The following PRSS55 variants were observed in gnomAD, a reference collection of about 807,000 sequenced individuals.
The protein encoded by PRSS55 is probable serine protease UNQ9391/PRO34284.
In PRSS55, 41 loss-of-function variants were observed where a neutral mutation model predicts 23.6. The ratio of observed to expected loss-of-function variants is 1.74; its 90% CI spans 1.35 to 2.26. The LOEUF (loss-of-function observed/expected upper bound fraction) is 2.26. Ranked by LOEUF, PRSS55 falls within the 30% of genes most tolerant of loss-of-function variation. PRSS55 has a pLI of 0.00. For synonymous variants in PRSS55, 262 were observed against 175.5 expected, an observed-to-expected ratio of 1.49 and a Z score of -3.90; for missense variants, 669 against 439.1, an observed-to-expected ratio of 1.52 and a Z score of -4.68.
chr8:10,549,496 G>A (rs775959222), intron 4 of PRSS55, among the ~76,000 whole-genome samples: 11 of 152,226 alleles, frequency 7.2e-5, no homozygotes, highest in Non-Finnish European at 1.0e-4. Flanking sequence ...CGTACAGCCT[G>A]TGTCCAGCAC....
At chr8:10,531,715 G>A (rs1400053648) in intron 3 of PRSS55, 170 bp downstream of exon 3, 3 of 836,096 alleles carry the variant, frequency 3.6e-6, no homozygotes, top group Non-Finnish European at 5.5e-6. Flanking sequence ...ACCCCAAGGT[G>A]AGACACCAGG....
intron 1 of PRSS55, among the ~76,000 whole-genome samples, chr8:10,526,180 G>A (rs896565411): frequency 1.3e-5 from 2 of 152,194 alleles, no homozygotes; most frequent in African/African-American, 4.8e-5. Context: ...TCTTCTCCAA[G>A]GGGGTGGTCA....
intron 4 of PRSS55, among the ~76,000 whole-genome samples, chr8:10,547,055 G>T (rs1396571429): frequency 6.6e-6 from 1 of 152,166 alleles, no homozygotes; most frequent in Admixed American, 6.5e-5. Context: ...CCAGCAGATG[G>T]CAGTGGGCAG....
At chr8:10,539,535 C>T (rs987329602), downstream of PRSS55, among the ~76,000 whole-genome samples, 3 of 152,236 alleles carry the variant, frequency 2.0e-5, no homozygotes, top group Admixed American at 6.5e-5. Context: ...TATGTCCCCA[C>T]TCAAATCTCA....
At chr8:10,540,513 A>G (rs1457092410), downstream of PRSS55, 1 of 152,176 alleles carries the variant, frequency 6.6e-6, no homozygotes, top group Admixed American at 6.5e-5. Flanking sequence ...GGAGTTCAAG[A>G]CCAGTCTGGC....
At chr8:10,533,191 A>T (rs1812334081) in intron 4 of PRSS55, 143 bp downstream of exon 4, 2 of 894,174 alleles carry the variant, frequency 2.2e-6, no homozygotes. Flanking sequence ...CATGAGAATG[A>T]GTATGTGGAT....
Position 10,533,057 on chromosome 8 carries a change from G to A in PRSS55, c.741+9G>A, listed in dbSNP as rs748172263. On this transcript the variant is annotated intron_variant, in intron 4 of 4. Coordinates refer to ENST00000328655, the MANE Select transcript of PRSS55 (RefSeq NM_198464.4). ...GCTATGATGCCTGCAAGGTAACTAGGGGGTACCCTCCCTCACCTTATAGGT... is the reference window on the plus strand; with the variant it reads ...GCTATGATGCCTGCAAGGTAACTAGAGGGTACCCTCCCTCACCTTATAGGT... 1.9e-5 allele frequency: 30 copies of A among 1,613,956 alleles called. No homozygotes were observed. In the South Asian group the frequency reaches 3.1e-4, roughly 17 times the overall value.
chr8:10,528,457 G>T (rs1290916559), intron 1 of PRSS55, among the ~76,000 whole-genome samples: 2 of 152,238 alleles, frequency 1.3e-5, no homozygotes, highest in African/African-American at 4.8e-5. Context: ...ACACAAGGCA[G>T]ACAGTCAAGT....
intron 4 of PRSS55, among the ~76,000 whole-genome samples, chr8:10,549,047 C>T (rs890979415): frequency 6.6e-6 from 1 of 152,176 alleles, no homozygotes; most frequent in Non-Finnish European, 1.5e-5. Flanking sequence ...ATAGATGCAA[C>T]CAAGGCTAGG....
rs1275952615 is a variant in PRSS55 at position 10,538,713 on chromosome 8, G to C, written c.979G>C (p.Val327Leu). Reference protein sequence around the residue: ...QKPMGSPVSGVPEPGSPRSWL... With the variant: ...QKPMGSPVSGLPEPGSPRSWL... Reference sequence around the variant, plus strand: ...ACCTATGGGCTCCCCAGTCTCGGGAGTCCCAGAGCCAGGCAGCCCCAGATC... The same window carrying C: ...ACCTATGGGCTCCCCAGTCTCGGGACTCCCAGAGCCAGGCAGCCCCAGATC... The change falls in exon 5 of 5, where the codon GTC becomes CTC. Residue 327 changes from valine (V) to leucine (L), a missense_variant. By Grantham distance (32) the Val-to-Leu change is conservative. Coordinates refer to ENST00000328655, the MANE Select transcript of PRSS55 (RefSeq NM_198464.4). 6.2e-7 allele frequency: 1 copy of C among 1,613,864 alleles called. No individual in the cohort carries two copies.
intron 4 of PRSS55, among the ~76,000 whole-genome samples, chr8:10,550,146 C>T (rs1812920372): frequency 6.6e-6 from 1 of 152,186 alleles, no homozygotes; most frequent in South Asian, 2.1e-4. Context: ...TGGTCTTGAA[C>T]TCCTGATTTC....
At chr8:10,538,423 A>T (rs1193354589) in intron 4 of PRSS55, 53 bp from the exon 5 acceptor site, 6 of 1,380,918 alleles carry the variant, frequency 4.3e-6, no homozygotes, top group Non-Finnish European at 6.0e-6. Context: ...GCCCAGCCTC[A>T]GATGGGCAGC....
At position 10,538,548 on chromosome 8, in the gene PRSS55, T is replaced by C. The variant is rs953559494; in HGVS notation, c.814T>C (p.Trp272Arg). The C allele has an allele frequency of 6.2e-7, 1 of 1,613,976 alleles. No homozygotes were observed. The highest frequency in any genetic ancestry group is 8.5e-7 in the Non-Finnish European group (1 of 1,179,990). Residue 272 changes from tryptophan to arginine, a missense_variant, in exon 5 of 5, where the codon TGG becomes CGG. Transcript: ENST00000328655. ...EKWYQVGIIS[W>R]GKSCGEKNTP... Reference sequence around the variant, plus strand: ...GTGGTACCAGGTGGGCATCATAAGCTGGGGAAAGAGCTGTGGAGAGAAGAA... The same window carrying C: ...GTGGTACCAGGTGGGCATCATAAGCCGGGGAAAGAGCTGTGGAGAGAAGAA...
intron 4 of PRSS55, among the ~76,000 whole-genome samples, chr8:10,549,661 C>A (rs1812908723): frequency 6.6e-6 from 1 of 152,208 alleles, no homozygotes; most frequent in African/African-American, 2.4e-5. Flanking sequence ...GGGTACCAGG[C>A]AGGGGCTTCC....
chr8:10,537,779 A>T (rs1585881593), intron 4 of PRSS55, among the ~76,000 whole-genome samples: 1 of 152,200 alleles, frequency 6.6e-6, no homozygotes, highest in Admixed American at 6.5e-5. Flanking sequence ...CTGGGTTCCA[A>T]TCCCAGCCAG....
At chr8:10,531,829 C>T (rs1347063804) in intron 3 of PRSS55, 1 of 428,304 alleles carries the variant, frequency 2.3e-6, no homozygotes, top group African/African-American at 2.0e-5. Flanking sequence ...GGCCCCTCTA[C>T]TCTGTATTCA....
downstream of PRSS55, chr8:10,540,251 C>T (rs1253728391): frequency 6.6e-6 from 1 of 152,334 alleles, no homozygotes; most frequent in East Asian, 1.9e-4. Context: ...GTCTTCCCCT[C>T]ATGTAGACCC....
chr8:10,529,199 C>A (rs541629000), intron 1 of PRSS55, among the ~76,000 whole-genome samples: 1 of 152,216 alleles, frequency 6.6e-6, no homozygotes, highest in Non-Finnish European at 1.5e-5. Flanking sequence ...TGTTTTCTTC[C>A]GATTTCTCCT....
intron 4 of PRSS55, among the ~76,000 whole-genome samples, chr8:10,536,011 C>T (rs1022991030): frequency 3.3e-5 from 5 of 152,214 alleles, no homozygotes; most frequent in African/African-American, 1.2e-4. Context: ...ACGGTGAAAC[C>T]CCGTCTCTAC....
Sources: gnomAD v4.1 joint callset for allele counts (sites outside exome capture counted in the v4.1 genomes callset) on GRCh38, gnomAD v4.1.1 for gene constraint, MANE v1.5 for transcripts, NCBI Gene and HGNC (gene_info 2026-07-23, HGNC 2026-07-21) for gene names.